The following FREM1 variants were observed in gnomAD, a reference collection of about 807,000 sequenced individuals.
FREM1 encodes the protein FRAS1 related extracellular matrix 1, also known as FRAS1-related extracellular matrix protein 1.
In FREM1, 220 loss-of-function variants were observed where a neutral mutation model predicts 210.1. The ratio of observed to expected loss-of-function variants is 1.05; its 90% CI spans 0.94 to 1.17. FREM1 has a LOEUF of 1.17. FREM1 is among the 50% of genes most tolerant of loss of function. FREM1 has a pLI of 0.00. For synonymous variants in FREM1, 1,189 were observed against 980.2 expected, an observed-to-expected ratio of 1.21 and a Z score of -3.98; for missense variants, 3,454 against 2,675.5, an observed-to-expected ratio of 1.29 and a Z score of -6.42.
At chr9:14,784,165 A>C in intron 24 of FREM1, 1 of 480,196 alleles carries the variant, frequency 2.1e-6, no homozygotes, top group Non-Finnish European at 3.6e-6. Context: ...GCTGCACCAG[A>C]GCTGAAAAAT....
At chr9:14,772,337 G>C (rs1449432975) in intron 25 of FREM1, among the ~76,000 whole-genome samples, 1 of 152,064 alleles carries the variant, frequency 6.6e-6, no homozygotes, top group Non-Finnish European at 1.5e-5. Context: ...CTCGACCTGA[G>C]ACTGAGTTCC....
chr9:14,840,185 A>C (rs1190599863), intron 10 of FREM1, among the ~76,000 whole-genome samples: 1 of 152,208 alleles, frequency 6.6e-6, no homozygotes, highest in Non-Finnish European at 1.5e-5. Context: ...CATTATGGGA[A>C]GGCATTATGT....
intron 1 of FREM1, among the ~76,000 whole-genome samples, chr9:14,909,653 T>C (rs1818398492): frequency 6.6e-6 from 1 of 152,240 alleles, no homozygotes; most frequent in South Asian, 2.1e-4. Context: ...CATTGGCAAG[T>C]GCCAGCACGG....
In FREM1 at chr9:14,819,400, T is replaced by C. The variant is rs1251716363; in HGVS notation, c.2380A>G (p.Ile794Val). The C allele has an allele frequency of 1.2e-6, 2 of 1,613,498 alleles. No homozygotes were observed. The highest frequency in any genetic ancestry group is 1.3e-5 in the African/African-American group (1 of 74,946). The change falls in exon 14 of 37, where the codon ATC becomes GTC. Residue 794 changes from isoleucine (I) to valine (V), a missense_variant. By Grantham distance (29) the Ile-to-Val change is conservative. Coordinates refer to ENST00000380880, the MANE Select transcript of FREM1 (RefSeq NM_001379081.2). ...PLKVTEGGQS[I>V]ISTEHILISD... ...ATTAGAATGTGCTCTGTGCTGATGA[T>C]GCTTTGACCTCCCTCAGTCACTTTC... is the stretch of plus-strand genomic sequence containing the variant.
chr9:14,848,903 A>G lies in FREM1; in HGVS notation c.1153-130T>C, dbSNP rs879584977. 495 of 505,664 alleles carry G rather than the reference A, an allele frequency of 9.8e-4. 2 individuals are homozygous for G. The highest frequency in any genetic ancestry group is 1.2e-3 in the Non-Finnish European group (335 of 275,910). The allele number at this position is 505,664 out of a possible 1,614,324, so 31.3% of individuals were successfully genotyped here. On this transcript the variant is annotated intron_variant, in intron 6 of 36. Coordinates refer to ENST00000380880, the MANE Select transcript of FREM1 (RefSeq NM_001379081.2). ...GGATTCACATTTCTGCAGTTCCCACATCTCATTTAGACATCCTGATTTGAC... is the reference window on the plus strand; with the variant it reads ...GGATTCACATTTCTGCAGTTCCCACGTCTCATTTAGACATCCTGATTTGAC...
At chr9:14,902,171 C>T (rs1214054010) in intron 1 of FREM1, among the ~76,000 whole-genome samples, 1 of 152,158 alleles carries the variant, frequency 6.6e-6, no homozygotes, top group Non-Finnish European at 1.5e-5. Flanking sequence ...GGAATTTCAA[C>T]TTCCATCACT....
rs533593854 is a variant in FREM1, at chr9:14,836,614, G to A, written c.1881+4833C>T. On this transcript the variant is annotated intron_variant, in intron 10 of 36. Transcript: ENST00000380880. The surrounding 1 kb of genome is among the most constrained non-coding windows in gnomAD (Gnocchi z 4.9). ...TTATTAAGCCCTCTCTTGCTTATAT[G>A]TCTTGAATTGATATTTGGACGTTGT... 6.6e-6 allele frequency among the ~76,000 whole-genome samples: 1 copy of A among 152,142 alleles called. No individual in the cohort carries two copies. The highest frequency in any genetic ancestry group is 1.5e-5 in the Non-Finnish European group (1 of 68,028).
In FREM1 at chr9:14,748,596, G is replaced by A; in HGVS notation, c.5601C>T (p.Ser1867=). The A allele has an allele frequency of 6.2e-7, 1 of 1,613,758 alleles. No individual in the cohort carries two copies. Among genetic ancestry groups the A allele is most frequent in the Non-Finnish European group, 8.5e-7 (1 of 1,179,762 alleles). Residue 1867 remains serine (S), a synonymous_variant, in exon 31 of 37, where the codon AGC becomes AGT. Transcript: ENST00000380880. ...PSYSSNQSKH[S]TWEKGIWHLL... Reference sequence around the variant, plus strand: ...GATGCCAAATGCCCTTCTCCCATGTGCTGTGCTTGCTTTGGTTGGAGGAAT... The same window carrying A: ...GATGCCAAATGCCCTTCTCCCATGTACTGTGCTTGCTTTGGTTGGAGGAAT...
intron 23 of FREM1, among the ~76,000 whole-genome samples, chr9:14,785,157 G>A (rs1208224096): frequency 6.6e-6 from 1 of 152,204 alleles, no homozygotes; most frequent in Non-Finnish European, 1.5e-5. Flanking sequence ...AGTACTGTCT[G>A]TAATTGAAAG....
chr9:14,871,863 G>A (rs1204423329), intron 1 of FREM1, among the ~76,000 whole-genome samples: 2 of 152,152 alleles, frequency 1.3e-5, no homozygotes, highest in African/African-American at 4.8e-5. Flanking sequence ...ACGGGATCCA[G>A]TTTCAGCTTT....
intron 16 of FREM1, among the ~76,000 whole-genome samples, chr9:14,809,260 T>C (rs150113238): frequency 6.1e-4 from 93 of 152,336 alleles, no homozygotes; most frequent in Non-Finnish European, 9.0e-4. Flanking sequence ...CATGGAACTG[T>C]AAGTCCATTA....
chr9:14,905,937 G>C (rs189089857), intron 1 of FREM1, among the ~76,000 whole-genome samples: 4 of 152,200 alleles, frequency 2.6e-5, no homozygotes, highest in Non-Finnish European at 4.4e-5. Context: ...GAACCAGGCT[G>C]CTGATCAGAG....
chr9:14,747,115 A>G, intron 33 of FREM1, 64 bp from the exon 34 acceptor site: 1 of 1,606,788 alleles, frequency 6.2e-7, no homozygotes, highest in Non-Finnish European at 8.5e-7. Context: ...TCACACATTC[A>G]CCTCCTTTGG....
chr9:14,872,237 G>C (rs1832812676), intron 1 of FREM1, among the ~76,000 whole-genome samples: 1 of 152,108 alleles, frequency 6.6e-6, no homozygotes, highest in Non-Finnish European at 1.5e-5. Context: ...GTATGGCATT[G>C]AATCTATAAA....
chr9:14,843,147 C>G (rs1331201150), intron 8 of FREM1, among the ~76,000 whole-genome samples: 1 of 152,212 alleles, frequency 6.6e-6, no homozygotes, highest in East Asian at 1.9e-4. Flanking sequence ...AATGCTCTGT[C>G]TCTTCTGGAG....
Position 14,851,351 on chromosome 9 carries a change from T to A in FREM1, c.1085A>T (p.Asp362Val), listed in dbSNP as rs773724403. The A allele has an allele frequency of 1.9e-5, 30 of 1,612,808 alleles. No homozygotes were observed. Among genetic ancestry groups the A allele is most frequent in the Non-Finnish European group, 2.5e-5 (30 of 1,179,108 alleles). Reference sequence around the variant, plus strand: ...ATAGGCGATCTGCATGTCACTGAGATCTTTCCAGGTGAATGAGGAGATTGG... The same window carrying A: ...ATAGGCGATCTGCATGTCACTGAGAACTTTCCAGGTGAATGAGGAGATTGG... Reference protein sequence around the residue: ...TRPISSFTWKDLSDMQIAYQP... With the variant: ...TRPISSFTWKVLSDMQIAYQP... Residue 362 changes from aspartate (D) to valine (V), a missense_variant, in exon 6 of 37, where the codon GAT becomes GTT. Physicochemically the swap from Asp to Val is radical, Grantham distance 152. Transcript: ENST00000380880.
intron 1 of FREM1, among the ~76,000 whole-genome samples, chr9:14,885,459 G>A (rs139455515): frequency 2.4e-4 from 36 of 152,176 alleles, no homozygotes; most frequent in Middle Eastern, 3.4e-3. Flanking sequence ...TCACCCTGTC[G>A]CCCAGGCTAG....
At chr9:14,845,495 G>T (rs556342126) in intron 8 of FREM1, among the ~76,000 whole-genome samples, 1 of 152,222 alleles carries the variant, frequency 6.6e-6, no homozygotes, top group African/African-American at 2.4e-5. Context: ...AGTAGAGACG[G>T]AGTTTTACCA....
At chr9:14,842,109 A>C (rs1353543334) in intron 9 of FREM1, among the ~76,000 whole-genome samples, 2 of 152,184 alleles carry the variant, frequency 1.3e-5, no homozygotes, top group Non-Finnish European at 1.5e-5. Flanking sequence ...CTGTAGATGC[A>C]CAACCTTGGA....
Sources: allele counts gnomAD v4.1 joint callset (sites outside exome capture counted in the v4.1 genomes callset), GRCh38; gene constraint gnomAD v4.1.1; non-coding constraint Gnocchi (gnomAD v3.1); transcripts MANE v1.5; gene names NCBI Gene and HGNC (gene_info 2026-07-23, HGNC 2026-07-21).